The following GLG1 variants were observed in gnomAD, a reference collection of about 807,000 sequenced individuals.
GLG1 encodes the protein Golgi apparatus protein 1.
A neutral mutation model predicts 160.5 loss-of-function variants in GLG1; 38 were observed. The ratio of observed to expected loss-of-function variants is 0.24; its 90% CI spans 0.18 to 0.31. GLG1 has a LOEUF of 0.31. Ranked by LOEUF, GLG1 falls within the 10% of genes least tolerant of loss-of-function variation. The pLI, the probability that GLG1 is intolerant of heterozygous loss-of-function variation, is 1.00. For synonymous variants in GLG1, 644 were observed against 543.4 expected, an observed-to-expected ratio of 1.19 and a Z score of -2.57; for missense variants, 1,373 against 1,505.2, an observed-to-expected ratio of 0.91 and a Z score of 1.45.
chr16:74,583,136 G>A (rs1957974549), intron 1 of GLG1, among the ~76,000 whole-genome samples: 1 of 152,048 alleles, frequency 6.6e-6, no homozygotes, highest in Non-Finnish European at 1.5e-5. Context: ...TTCATCGCAA[G>A]CTGTCCCCAG....
At chr16:74,594,191 G>A (rs1468878566) in intron 1 of GLG1, among the ~76,000 whole-genome samples, 1 of 152,184 alleles carries the variant, frequency 6.6e-6, no homozygotes, top group African/African-American at 2.4e-5. Context: ...ACAGGTGTGA[G>A]CCACTGCGCC....
chr16:74,549,846 G>A (rs1435322722), intron 1 of GLG1, among the ~76,000 whole-genome samples: 5 of 151,896 alleles, frequency 3.3e-5, no homozygotes, highest in Non-Finnish European at 5.9e-5. Flanking sequence ...GAGCGTGGTG[G>A]CTCACGCCTG....
intron 1 of GLG1, among the ~76,000 whole-genome samples, chr16:74,603,433 A>G (rs1405535661): frequency 6.6e-6 from 1 of 151,870 alleles, no homozygotes; most frequent in Non-Finnish European, 1.5e-5. Flanking sequence ...AAGAAAATCT[A>G]ATCTATGAAC....
At chr16:74,475,266 T>C (rs1398189638) in intron 12 of GLG1, among the ~76,000 whole-genome samples, 4 of 151,724 alleles carry the variant, frequency 2.6e-5, no homozygotes, top group Non-Finnish European at 4.4e-5. Context: ...AAAAACCTTA[T>C]CAGGCCTTGA....
At chr16:74,556,767 T>C (rs1022493019) in intron 1 of GLG1, among the ~76,000 whole-genome samples, 4 of 148,636 alleles carry the variant, frequency 2.7e-5, no homozygotes, top group Admixed American at 1.3e-4. Flanking sequence ...TAAATATTAT[T>C]ACTAATAAAA....
chr16:74,528,855 T>G (rs1225582118), intron 2 of GLG1, among the ~76,000 whole-genome samples: 2 of 149,542 alleles, frequency 1.3e-5, no homozygotes, highest in Non-Finnish European at 3.0e-5. Flanking sequence ...TGAGTATGGA[T>G]TTCTCTTGAG....
intron 1 of GLG1, among the ~76,000 whole-genome samples, chr16:74,580,054 C>G (rs1197804705): frequency 3.3e-5 from 5 of 152,178 alleles, no homozygotes; most frequent in African/African-American, 9.7e-5. Flanking sequence ...CAGAGTGAGA[C>G]TCCGTCTCAA....
chr16:74,459,677 G>A lies in GLG1; in HGVS notation c.3144+5C>T, dbSNP rs1029484008. ...AAGTGAGGAAAAGAAGGTGACGGTG[G>A]TTACCTTTTTACACAATTCTGTTTT... On this transcript the variant is annotated splice_donor_5th_base_variant and intron_variant, in intron 23 of 25. Coordinates refer to ENST00000422840, the MANE Select transcript of GLG1 (RefSeq NM_001145667.2). The A allele has an allele frequency of 1.4e-6, 2 of 1,409,508 alleles. No homozygotes were observed. The highest frequency in any genetic ancestry group is 1.8e-5 in the Admixed American group (1 of 54,496). The allele number at this position is 1,409,508 out of a possible 1,614,324, so 87.3% of individuals were successfully genotyped here. A position where few individuals can be genotyped will look rare whatever the true frequency, so the allele number is the denominator to read the frequency against.
intron 8 of GLG1, among the ~76,000 whole-genome samples, chr16:74,490,594 C>T (rs2015946626): frequency 6.6e-6 from 1 of 152,180 alleles, no homozygotes; most frequent in Non-Finnish European, 1.5e-5. Flanking sequence ...TTCATATCAA[C>T]TCTTTTTCAG....
chr16:74,457,177 T>C (rs2014582516), intron 24 of GLG1, among the ~76,000 whole-genome samples: 1 of 152,132 alleles, frequency 6.6e-6, no homozygotes. Context: ...GGTGGATCAC[T>C]TGAAGTCAGG....
chr16:74,463,112 G>A (rs778332301), intron 20 of GLG1: 22 of 520,878 alleles, frequency 4.2e-5, no homozygotes, highest in Non-Finnish European at 6.0e-5. Flanking sequence ...AAGGACTGCC[G>A]GCCTGATTCC....
At chr16:74,568,689 A>T (rs1597356302) in intron 1 of GLG1, among the ~76,000 whole-genome samples, 1 of 152,288 alleles carries the variant, frequency 6.6e-6, no homozygotes, top group African/African-American at 2.4e-5. Flanking sequence ...AAGTGCTGGG[A>T]TTACAGGCAT....
At chr16:74,521,086 G>A (rs553647221) in intron 2 of GLG1, among the ~76,000 whole-genome samples, 1 of 152,178 alleles carries the variant, frequency 6.6e-6, no homozygotes, top group Non-Finnish European at 1.5e-5. Flanking sequence ...CACGAAAGAT[G>A]AATGTTCCAT....
At chr16:74,532,565 C>T (rs1160917364) in intron 1 of GLG1, among the ~76,000 whole-genome samples, 1 of 151,828 alleles carries the variant, frequency 6.6e-6, no homozygotes, top group African/African-American at 2.4e-5. Flanking sequence ...ACTCTGTCAC[C>T]CAGGCTGCCA....
intron 11 of GLG1, among the ~76,000 whole-genome samples, chr16:74,479,474 G>A (rs893562678): frequency 9.9e-5 from 15 of 151,128 alleles, no homozygotes; most frequent in African/African-American, 3.2e-4. Context: ...AAATTCCCAC[G>A]TTTTCTCACA....
At chr16:74,527,751 G>C (rs545894048) in intron 2 of GLG1, among the ~76,000 whole-genome samples, 6 of 152,040 alleles carry the variant, frequency 3.9e-5, no homozygotes, top group Non-Finnish European at 7.4e-5. Context: ...TTTTGAGATA[G>C]AGTCTTGCTC....
intron 4 of GLG1, among the ~76,000 whole-genome samples, chr16:74,498,462 ATATATTATATTT>A (rs1476943653): frequency 1.9e-5 from 2 of 104,948 alleles, no homozygotes; most frequent in African/African-American, 7.7e-5. Flanking sequence ...ATATATATAT[ATATATTATATTT>A]TATATATATA....
chr16:74,496,348 C>A, intron 5 of GLG1, 93 bp downstream of exon 5: 1 of 899,012 alleles, frequency 1.1e-6, no homozygotes, highest in Non-Finnish European at 1.7e-6. Flanking sequence ...AAGACTCAAT[C>A]TCTCAAAAAA....
At chr16:74,589,522 T>G (rs12934000) in intron 1 of GLG1, among the ~76,000 whole-genome samples, 22,096 of 152,134 alleles carry the variant, frequency 0.15, 1,931 homozygotes, top group Middle Eastern at 0.22. Flanking sequence ...ATATAAGCCC[T>G]GTAAACTCTG....
Sources: allele counts gnomAD v4.1 joint callset (sites outside exome capture counted in the v4.1 genomes callset), GRCh38; gene constraint gnomAD v4.1.1; transcripts MANE v1.5; gene names NCBI Gene and HGNC (gene_info 2026-07-23, HGNC 2026-07-21).